RB1CC1: variants seen among roughly 807,000 people sequenced by gnomAD.
RB1CC1 encodes RB1 inducible coiled-coil 1, also known as RB1-inducible coiled-coil protein 1.
RB1CC1 carries 46 observed loss-of-function variants against 177.5 expected under a neutral mutation model. The observed-to-expected ratio is 0.26, with a 90% CI of 0.20 to 0.33. RB1CC1 has a LOEUF of 0.33. Among genes scored for constraint, RB1CC1 ranks in the 10% least tolerant of loss-of-function variants. The probability of loss-of-function intolerance (pLI) is 1.00; values close to 1 mark genes in which losing one functional copy is unlikely to be tolerated. For synonymous variants in RB1CC1, 666 were observed against 613.6 expected, an observed-to-expected ratio of 1.09 and a Z score of -1.26; for missense variants, 1,703 against 1,816.3, an observed-to-expected ratio of 0.94 and a Z score of 1.13.
At chr8:52,675,862 G>A (rs1324957387) in intron 6 of RB1CC1, among the ~76,000 whole-genome samples, 1 of 149,412 alleles carries the variant, frequency 6.7e-6, no homozygotes, top group Non-Finnish European at 1.5e-5. Flanking sequence ...ACTCCAGCCT[G>A]GGCAACAGAG....
chr8:52,662,619 G>A (rs962497805), intron 8 of RB1CC1, among the ~76,000 whole-genome samples: 3 of 151,858 alleles, frequency 2.0e-5, no homozygotes, highest in African/African-American at 7.2e-5. Flanking sequence ...TATCCTTCTA[G>A]GAACTTAACT....
intron 7 of RB1CC1, among the ~76,000 whole-genome samples, chr8:52,670,533 G>T (rs897320457): frequency 2.6e-5 from 4 of 152,176 alleles, no homozygotes; most frequent in African/African-American, 9.7e-5. Context: ...GATTCCTTAA[G>T]ATCACAAGTT....
At chr8:52,655,709 G>A (rs1179455843) in intron 15 of RB1CC1, among the ~76,000 whole-genome samples, 1 of 151,864 alleles carries the variant, frequency 6.6e-6, no homozygotes, top group Admixed American at 6.6e-5. Context: ...TAAATCAAGA[G>A]AGAAACTTAT....
chr8:52,631,233 C>A (rs183308276), intron 20 of RB1CC1, among the ~76,000 whole-genome samples: 2 of 152,156 alleles, frequency 1.3e-5, no homozygotes, highest in South Asian at 4.2e-4. Flanking sequence ...GTTGTCCCAA[C>A]GAACAACAAC....
intron 7 of RB1CC1, among the ~76,000 whole-genome samples, chr8:52,668,725 G>A (rs778295168): frequency 1.3e-5 from 2 of 151,920 alleles, no homozygotes; most frequent in African/African-American, 2.4e-5. Flanking sequence ...AAAATTTTCC[G>A]ATAATGCTCC....
chr8:52,655,918 G>A, intron 15 of RB1CC1, 90 bp downstream of exon 15: 1 of 1,047,468 alleles, frequency 9.5e-7, no homozygotes, highest in South Asian at 1.9e-5. Flanking sequence ...ATTTACCCAA[G>A]GTAAATGAGT....
intron 8 of RB1CC1, among the ~76,000 whole-genome samples, chr8:52,664,126 T>C (rs188120371): frequency 2.0e-5 from 3 of 152,332 alleles, no homozygotes; most frequent in East Asian, 1.9e-4. Context: ...CATGACAATA[T>C]AGGTGTGAAA....
At chr8:52,625,818 A>G (rs1431209362) in intron 22 of RB1CC1, among the ~76,000 whole-genome samples, 1 of 152,188 alleles carries the variant, frequency 6.6e-6, no homozygotes, top group Non-Finnish European at 1.5e-5. Flanking sequence ...CACCATGGTA[A>G]AGTCAAAAAG....
At chr8:52,638,801 A>G (rs1430463722) in intron 18 of RB1CC1, among the ~76,000 whole-genome samples, 1 of 152,100 alleles carries the variant, frequency 6.6e-6, no homozygotes, top group African/African-American at 2.4e-5. Context: ...CCAATAGATC[A>G]ACAATGCCTC....
intron 5 of RB1CC1, among the ~76,000 whole-genome samples, chr8:52,677,381 T>C (rs773428154): frequency 1.8e-4 from 27 of 152,072 alleles, no homozygotes; most frequent in Non-Finnish European, 3.5e-4. Context: ...ACAGGAAATA[T>C]GAAGCACTAT....
At chr8:52,673,130 G>T (rs576045424) in intron 7 of RB1CC1, among the ~76,000 whole-genome samples, 1 of 152,014 alleles carries the variant, frequency 6.6e-6, no homozygotes, top group Admixed American at 6.6e-5. Flanking sequence ...ACTCTTCTTC[G>T]ACTGCATGCT....
At position 52,685,493 on chromosome 8, in the gene RB1CC1, G is replaced by A; in HGVS notation, c.-24C>T. ...ATGATGATTTATCTGAATTCTGTGAGCTTATACCTCACCCTCTGATACAGT... is the reference window on the plus strand; with the variant it reads ...ATGATGATTTATCTGAATTCTGTGAACTTATACCTCACCCTCTGATACAGT... On this transcript the variant is annotated 5_prime_UTR_variant, in exon 3 of 24. Transcript: ENST00000025008. 7.0e-7 allele frequency: 1 copy of A among 1,429,958 alleles called. No individual in the cohort carries two copies. Among genetic ancestry groups the A allele is most frequent in the Non-Finnish European group, 9.8e-7 (1 of 1,022,816 alleles). The allele number at this position is 1,429,958 out of a possible 1,614,324, so 88.6% of individuals were successfully genotyped here.
chr8:52,656,051 ACT>A lies in RB1CC1; in HGVS notation c.3776_3777del (p.Glu1259ValfsTer6). 6.2e-7 allele frequency: 1 copy of A among 1,611,822 alleles called. No homozygotes were observed. Among genetic ancestry groups the A allele is most frequent in the Non-Finnish European group, 8.5e-7 (1 of 1,179,258 alleles). ...TCAAGATGTTTAACTTTTTCTAATA[ACT>A]CTTTCTCAACAACTTCTCTCTCCAA... ...FKLEREVVEK[E>X]LLEKVKHLEN... On this transcript the variant is annotated frameshift_variant, in exon 15 of 24. Transcript: ENST00000025008. LOFTEE classifies it high-confidence loss of function.
At chr8:52,670,913 G>C (rs1852513887) in intron 7 of RB1CC1, among the ~76,000 whole-genome samples, 1 of 151,258 alleles carries the variant, frequency 6.6e-6, no homozygotes, top group Non-Finnish European at 1.5e-5. Context: ...CCGAGATCGT[G>C]CCAGTGCACG....
intron 15 of RB1CC1, among the ~76,000 whole-genome samples, chr8:52,652,329 GGT>G (rs1046765865): frequency 1.4e-4 from 21 of 151,936 alleles, no homozygotes; most frequent in African/African-American, 4.8e-4. Context: ...AGCTGGGCGT[GGT>G]GTCACGCACC....
chr8:52,663,054 A>G (rs1851765662), intron 8 of RB1CC1, among the ~76,000 whole-genome samples: 2 of 152,132 alleles, frequency 1.3e-5, no homozygotes, highest in East Asian at 1.9e-4. Context: ...ATTGAATTTC[A>G]TATTTGCTCA....
In RB1CC1 at chr8:52,674,215, T is replaced by C. The variant is rs1852869168; in HGVS notation, c.632A>G (p.His211Arg). ...TCTTCCCAAACATTCTCTGTAACTA[T>C]GTCTGGTTAGGCACTCCAACAGTGG... ...KIPLLECLTRHSYRECLGRLD... is the reference protein window; with the variant it reads ...KIPLLECLTRRSYRECLGRLD... The change falls in exon 7 of 24, where the codon CAT becomes CGT. Residue 211 changes from histidine (H) to arginine (R), a missense_variant. Around this residue, in one of 6 missense-constraint regions of RB1CC1, gnomAD observed 315 missense variants for 304.9 expected, o/e 1.03. Transcript: ENST00000025008. 1 of 1,612,806 alleles carries C rather than the reference T, an allele frequency of 6.2e-7. No homozygotes were observed.
intron 20 of RB1CC1, 88 bp from the exon 21 acceptor site, chr8:52,630,616 A>G (rs1848687969): frequency 7.4e-7 from 1 of 1,346,112 alleles, no homozygotes; most frequent in Non-Finnish European, 9.8e-7. Flanking sequence ...TGTTATACAC[A>G]TTCAAGCCTG....
At chr8:52,696,793 A>C (rs1855456005) in intron 1 of RB1CC1, among the ~76,000 whole-genome samples, 1 of 152,150 alleles carries the variant, frequency 6.6e-6, no homozygotes, top group East Asian at 1.9e-4. Flanking sequence ...ACTTGAGCTC[A>C]GGAGTTCAAG....
Sources: allele counts gnomAD v4.1 joint callset (sites outside exome capture counted in the v4.1 genomes callset), GRCh38; gene constraint gnomAD v4.1.1; regional missense constraint gnomAD v4.1.1; transcripts MANE v1.5; gene names NCBI Gene and HGNC (gene_info 2026-07-23, HGNC 2026-07-21).